Variants in ACAN observed in about 807,000 individuals in gnomAD.
ACAN encodes aggrecan, also known as aggrecan core protein.
In ACAN, 47 loss-of-function variants were observed where a neutral mutation model predicts 169.1. The ratio of observed to expected loss-of-function variants is 0.28; its 90% confidence interval spans 0.22 to 0.35. The LOEUF (loss-of-function observed/expected upper bound fraction) is 0.35. Ranked by LOEUF, ACAN falls within the 10% of genes least tolerant of loss-of-function variation. The pLI is 1.00. For synonymous variants in ACAN, 1,115 were observed against 1,112.2 expected, an observed-to-expected ratio of 1.00 and a Z score of -0.05; for missense variants, 2,716 against 2,759.9, an observed-to-expected ratio of 0.98 and a Z score of 0.36.
At position 88,872,985 on chromosome 15, in the gene ACAN, C is replaced by G; in HGVS notation, c.7407C>G (p.Pro2469=). 1 of 1,613,674 alleles carries G rather than the reference C, an allele frequency of 6.2e-7. No homozygotes were observed. Among genetic ancestry groups the G allele is most frequent in the Admixed American group, 1.7e-5 (1 of 59,978 alleles). ...WHEKGEWNDV[P]CNYHLPFTCK... The stretch of plus-strand genomic sequence containing the variant: ...AGAAGGGCGAGTGGAATGATGTTCC[C>G]TGCAATTACCACCTCCCCTTCACGT... Residue 2469 remains proline (P), a synonymous_variant, in exon 17 of 19, where the codon CCC becomes CCG. Transcript: ENST00000560601. The surrounding 1 kb of genome is among the most constrained non-coding windows in gnomAD (Gnocchi z 5.4).
chr15:88,834,457 T>C (rs1227533912), intron 1 of ACAN, among the ~76,000 whole-genome samples: 1 of 152,078 alleles, frequency 6.6e-6, no homozygotes, highest in African/African-American at 2.4e-5. Context: ...GGTGCCCCCC[T>C]CATCCCCAAA....
Position 88,830,596 on chromosome 15 carries a change from A to T in ACAN, c.-7-5604A>T, listed in dbSNP as rs148775972. 5.0e-3 allele frequency among the ~76,000 whole-genome samples: 758 copies of T among 152,314 alleles called. 4 individuals carry two copies. The highest frequency in any genetic ancestry group is 7.7e-3 in the Non-Finnish European group (522 of 68,036). ...CAAATACTTGCCTTTGTGTATACAC[A>T]AATACTTCCCTCTGTGTATCTAAAC... On this transcript the variant is annotated intron_variant, in intron 1 of 18. Transcript: ENST00000560601.
At chr15:88,830,580 G>GCCTTTGTGTATACACAAATACTTC (rs1207910883) in intron 1 of ACAN, among the ~76,000 whole-genome samples, 3 of 151,550 alleles carry the variant, frequency 2.0e-5, no homozygotes, top group Non-Finnish European at 1.5e-5. Flanking sequence ...ACAAATACTT[G>GCCTTTGTGTATACACAAATACTTC]CCTTTGTGTA....
chr15:88,836,190 C>G lies in ACAN; in HGVS notation c.-7-10C>G, dbSNP rs747727343. 18 of 1,609,990 alleles carry G rather than the reference C, an allele frequency of 1.1e-5. No individual in the cohort carries two copies. Among genetic ancestry groups the G allele is most frequent in the Non-Finnish European group, 1.4e-5 (17 of 1,176,652 alleles). The stretch of plus-strand genomic sequence containing the variant: ...CTGTCTAAATAACGCCTCTGCCTCC[C>G]CTCTTCCAGGTGAACTATGACCACT... On this transcript the variant is annotated splice_polypyrimidine_tract_variant and intron_variant, in intron 1 of 18. Coordinates refer to ENST00000560601, the MANE Select transcript of ACAN (RefSeq NM_001369268.1).
Position 88,841,750 on chromosome 15 carries a change from C to T in ACAN, c.640C>T (p.His214Tyr). 3.1e-6 allele frequency: 5 copies of T among 1,613,894 alleles called. No individual in the cohort carries two copies. Among genetic ancestry groups the T allele is most frequent in the Non-Finnish European group, 2.5e-6 (3 of 1,179,872 alleles). The change falls in exon 5 of 19, where the codon CAC becomes TAC. Residue 214 changes from histidine (H) to tyrosine (Y), a missense_variant. Physicochemically the swap from His to Tyr is moderately conservative, Grantham distance 83. Coordinates refer to ENST00000560601, the MANE Select transcript of ACAN (RefSeq NM_001369268.1). ...LADQTVRYPI[H>Y]TPREGCYGDK... The stretch of plus-strand genomic sequence containing the variant: ...TCGGGTTCCTGGCAGATACCCCATC[C>T]ACACTCCCCGGGAAGGCTGCTATGG...
In ACAN at chr15:88,857,507, G is replaced by T. The variant is rs770360505; in HGVS notation, c.4922G>T (p.Gly1641Val). Residue 1641 changes from glycine (G) to valine (V), a missense_variant, in exon 12 of 19, where the codon GGC becomes GTC. By Grantham distance (109) the Gly-to-Val change is moderately radical. Transcript: ENST00000560601. ...TATTCTGGGGTGGACCTTGGAAGTGGCCCACCCTCTGGCCTGCCTGACTTT... is the reference window on the plus strand; with the variant it reads ...TATTCTGGGGTGGACCTTGGAAGTGTCCCACCCTCTGGCCTGCCTGACTTT... ...GEYSGVDLGSGPPSGLPDFSG... is the reference protein window; with the variant it reads ...GEYSGVDLGSVPPSGLPDFSG... 7 of 1,613,802 alleles carry T rather than the reference G, an allele frequency of 4.3e-6. No homozygotes were observed. In the African/African-American group the frequency reaches 9.3e-5, roughly 22 times the overall value.
chr15:88,832,207 T>C (rs1896382084), intron 1 of ACAN, among the ~76,000 whole-genome samples: 1 of 147,528 alleles, frequency 6.8e-6, no homozygotes, highest in African/African-American at 2.5e-5. Flanking sequence ...AGTGAAGGAA[T>C]GAAAAAAAAG....
intron 1 of ACAN, among the ~76,000 whole-genome samples, chr15:88,821,949 C>A (rs563610232): frequency 2.0e-4 from 30 of 152,314 alleles, no homozygotes; most frequent in South Asian, 8.3e-4. Flanking sequence ...CCAGGAGAGA[C>A]CAGGCATGAG....
chr15:88,840,619 T>C (rs550462408), intron 4 of ACAN, among the ~76,000 whole-genome samples: 29 of 152,098 alleles, frequency 1.9e-4, no homozygotes, highest in Admixed American at 1.9e-3. Context: ...GCAGTCCAGA[T>C]AGACCCTGCC....
intron 2 of ACAN, 83 bp downstream of exon 2, chr15:88,836,359 C>T: frequency 8.3e-7 from 1 of 1,208,668 alleles, no homozygotes; most frequent in Non-Finnish European, 1.2e-6. Flanking sequence ...CCTGGTGCTA[C>T]TGGTCCCAGG....
Position 88,872,760 on chromosome 15 carries a change from C to T in ACAN, c.7303-121C>T. ...AGTTTTTGTGCTGCTATCAGATGAG[C>T]CTGAAGTTGGTGCTAAAAGAGAAAG... On this transcript the variant is annotated intron_variant, in intron 16 of 18. Coordinates refer to ENST00000560601, the MANE Select transcript of ACAN (RefSeq NM_001369268.1). This position sits in a 1 kb window ranked among gnomAD's most constrained non-coding sequence, Gnocchi z 5.4. 7.9e-7 allele frequency: 1 copy of T among 1,258,804 alleles called. No individual in the cohort carries two copies. The highest frequency in any genetic ancestry group is 1.1e-6 in the Non-Finnish European group (1 of 913,570). The allele number at this position is 1,258,804 out of a possible 1,614,324, so 78.0% of individuals were successfully genotyped here.
intron 1 of ACAN, among the ~76,000 whole-genome samples, chr15:88,821,972 C>T (rs1043953790): frequency 6.6e-6 from 1 of 152,222 alleles, no homozygotes; most frequent in African/African-American, 2.4e-5. Flanking sequence ...TCCAGTTGTC[C>T]TCTTCTAGAG....
At chr15:88,865,987 C>T (rs962370991) in intron 13 of ACAN, among the ~76,000 whole-genome samples, 2 of 152,152 alleles carry the variant, frequency 1.3e-5, no homozygotes, top group African/African-American at 2.4e-5. Context: ...TTTCCCTCCT[C>T]ATCTGTAAAT....
At position 88,839,674 on chromosome 15, in the gene ACAN, G is replaced by A. The variant is rs1896598293; in HGVS notation, c.455-338G>A. ...GGGCTGAGGGTGCAGGGCATTCTGA[G>A]TGTCTGTTTCTCTTAATGCAATATG... On this transcript the variant is annotated intron_variant, in intron 3 of 18. Transcript: ENST00000560601. This position sits in a 1 kb window ranked among gnomAD's most constrained non-coding sequence, Gnocchi z 4.5. Among the ~76,000 whole-genome samples, 1 of 152,228 alleles carries A rather than the reference G, an allele frequency of 6.6e-6. No homozygotes were observed. Among genetic ancestry groups the A allele is most frequent in the East Asian group, 1.9e-4 (1 of 5,202 alleles).
Position 88,847,940 on chromosome 15 carries a change from G to A in ACAN, c.1634G>A (p.Cys545Tyr). The change falls in exon 9 of 19, where the codon TGC becomes TAC. Residue 545 changes from cysteine to tyrosine, a missense_variant. Physicochemically the swap from Cys to Tyr is radical, Grantham distance 194. Transcript: ENST00000560601. ...CCCATTGTGAGCCCCCGGACCCCAT[G>A]CGTGGGTGACAAGGACAGCAGCCCA... is the stretch of plus-strand genomic sequence containing the variant. ...RYPIVSPRTP[C>Y]VGDKDSSPGV... 6.2e-7 allele frequency: 1 copy of A among 1,613,854 alleles called. No homozygotes were observed. The highest frequency in any genetic ancestry group is 8.5e-7 in the Non-Finnish European group (1 of 1,179,822).
At chr15:88,842,511 T>C (rs12913373) in intron 5 of ACAN, among the ~76,000 whole-genome samples, 1,501 of 149,438 alleles carry the variant, frequency 0.01, 23 homozygotes, top group African/African-American at 0.034. Flanking sequence ...TCCCTGCCCA[T>C]CCCCCCTCCC....
chr15:88,813,112 G>T lies in ACAN; in HGVS notation c.-8+9303G>T, dbSNP rs190543054. On this transcript the variant is annotated intron_variant, in intron 1 of 18. Transcript: ENST00000560601. ...GCTGCATGGGACATGAGCCCCATCTGTCTTGGTCACTCTGTGTCTCCAGCA... is the reference window on the plus strand; with the variant it reads ...GCTGCATGGGACATGAGCCCCATCTTTCTTGGTCACTCTGTGTCTCCAGCA... 4.9e-3 allele frequency among the ~76,000 whole-genome samples: 744 copies of T among 152,326 alleles called. 8 individuals carry two copies. Among genetic ancestry groups the T allele is most frequent in the South Asian group, 0.026 (124 of 4,828 alleles).
At chr15:88,835,883 T>C (rs1018018117) in intron 1 of ACAN, among the ~76,000 whole-genome samples, 5 of 152,174 alleles carry the variant, frequency 3.3e-5, no homozygotes, top group Non-Finnish European at 5.9e-5. Context: ...AAATGTCTGG[T>C]TGCCCCGGCC....
chr15:88,857,881 A>T lies in ACAN; in HGVS notation c.5296A>T (p.Ser1766Cys). The change falls in exon 12 of 19, where the codon AGT becomes TGT. Residue 1766 changes from serine (S) to cysteine (C), a missense_variant. Transcript: ENST00000560601. ...GCTGTCCTCTGGACAACCAGGTATT[A>T]GTGGAGAAGCATCTGGAGTTCTTTA... is the stretch of plus-strand genomic sequence containing the variant. ...SGLSSGQPGI[S>C]GEASGVLYGT... The T allele has an allele frequency of 1.2e-6, 2 of 1,613,530 alleles. No individual in the cohort carries two copies. The highest frequency in any genetic ancestry group is 1.7e-6 in the Non-Finnish European group (2 of 1,179,690).
Sources: allele counts gnomAD v4.1 joint callset (sites outside exome capture counted in the v4.1 genomes callset), GRCh38; gene constraint gnomAD v4.1.1; non-coding constraint Gnocchi (gnomAD v3.1); transcripts MANE v1.5; gene names NCBI Gene and HGNC (gene_info 2026-07-23, HGNC 2026-07-21).